CTNND2: variants seen among roughly 807,000 people sequenced by gnomAD.
CTNND2 encodes catenin delta-2.
In CTNND2, 22 loss-of-function variants were observed where a neutral mutation model predicts 144.4. The observed-to-expected ratio is 0.15, with a 90% confidence interval of 0.11 to 0.22. CTNND2 has a LOEUF of 0.22. Ranked by LOEUF, CTNND2 falls within the 10% of genes least tolerant of loss-of-function variation. The probability of loss-of-function intolerance (pLI) is 1.00; values close to 1 mark genes in which losing one functional copy is unlikely to be tolerated. For synonymous variants in CTNND2, 751 were observed against 695.6 expected (o/e 1.08, Z -1.25); for missense variants, 1,353 against 1,618.8 (o/e 0.84, Z 2.82).
At chr5:11,708,601 TGGG>T (rs2126686367) in intron 2 of CTNND2, among the ~76,000 whole-genome samples, 2 of 152,244 alleles carry the variant, frequency 1.3e-5, no homozygotes, top group Non-Finnish European at 2.9e-5. Flanking sequence ...TTGGCGAGTC[TGGG>T]ATTATCTAGG....
chr5:11,309,309 T>C (rs1393507018), intron 9 of CTNND2, among the ~76,000 whole-genome samples: 1 of 152,194 alleles, frequency 6.6e-6, no homozygotes, highest in African/African-American at 2.4e-5. Flanking sequence ...GGCTGTACCC[T>C]GCAGAGCCAC....
At chr5:11,551,210 G>A (rs1037240025) in intron 3 of CTNND2, among the ~76,000 whole-genome samples, 2 of 151,926 alleles carry the variant, frequency 1.3e-5, no homozygotes, top group South Asian at 2.1e-4. Context: ...GTACCCCATC[G>A]GCTCCATTTC....
intron 2 of CTNND2, among the ~76,000 whole-genome samples, chr5:11,624,631 A>C (rs1380365026): frequency 6.6e-6 from 1 of 152,114 alleles, no homozygotes; most frequent in East Asian, 1.9e-4. Flanking sequence ...AGTAACATTC[A>C]GAAAAATTAA....
Position 11,049,554 on chromosome 5 carries a change from C to G in CTNND2, c.2789-26575G>C, listed in dbSNP as rs146553058. 4.5e-4 allele frequency among the ~76,000 whole-genome samples: 69 copies of G among 152,318 alleles called. 1 individual carries two copies. In the East Asian group the frequency reaches 0.012, roughly 27 times the overall value. ...AAATATCACCCTCCCCACGGATACC[C>G]TGGCAAGCCTGCGAGTTTACCCCAG... On this transcript the variant is annotated intron_variant, in intron 16 of 21. Transcript: ENST00000304623.
chr5:11,308,139 T>G, intron 9 of CTNND2, among the ~76,000 whole-genome samples: 1 of 152,294 alleles, frequency 6.6e-6, no homozygotes, highest in Non-Finnish European at 1.5e-5. Context: ...GTTTGTGGCA[T>G]TTTGTTACAG....
intron 1 of CTNND2, among the ~76,000 whole-genome samples, chr5:11,802,260 A>C (rs1791730119): frequency 6.7e-6 from 1 of 148,952 alleles, no homozygotes; most frequent in Non-Finnish European, 1.5e-5. Flanking sequence ...CGATAGAGCA[A>C]GACTCTGTCT....
chr5:11,053,365 T>A lies in CTNND2; in HGVS notation c.2788+29331A>T, dbSNP rs533732867. Among the ~76,000 whole-genome samples, 4 of 152,340 alleles carry A rather than the reference T, an allele frequency of 2.6e-5. No individual in the cohort carries two copies. The South Asian group carries it at 8.3e-4, about 32-fold the overall frequency. ...CTCTTTGGAATAAAGCAAAGCATATTCAATACTGAAGAGGGAATTCAACTA... is the reference window on the plus strand; with the variant it reads ...CTCTTTGGAATAAAGCAAAGCATATACAATACTGAAGAGGGAATTCAACTA... On this transcript the variant is annotated intron_variant, in intron 16 of 21. Coordinates refer to ENST00000304623, the MANE Select transcript of CTNND2 (RefSeq NM_001332.4).
chr5:11,642,347 C>T (rs1782111017), intron 2 of CTNND2, among the ~76,000 whole-genome samples: 1 of 152,054 alleles, frequency 6.6e-6, no homozygotes. Context: ...TGGAAGATGG[C>T]AATCACATAT....
intron 1 of CTNND2, among the ~76,000 whole-genome samples, chr5:11,733,200 CCTGT>C (rs1432585342): frequency 1.3e-5 from 2 of 152,126 alleles, no homozygotes; most frequent in Non-Finnish European, 2.9e-5. Context: ...CCAGCTGAAG[CCTGT>C]TGGTCAGAAG....
chr5:11,637,490 T>C (rs1013999273), intron 2 of CTNND2, among the ~76,000 whole-genome samples: 3 of 151,484 alleles, frequency 2.0e-5, no homozygotes, highest in Non-Finnish European at 4.4e-5. Flanking sequence ...AAATTTTATA[T>C]GACAAAGTTA....
Position 11,189,338 on chromosome 5 carries a change from A to G in CTNND2, c.1975+10110T>C, listed in dbSNP as rs184453588. Among the ~76,000 whole-genome samples the G allele has an allele frequency of 5.9e-5, 9 of 152,282 alleles. No individual in the cohort carries two copies. In the East Asian group the frequency reaches 1.7e-3, roughly 29 times the overall value. The stretch of plus-strand genomic sequence containing the variant: ...AAGCACCTAAACTTCACTTCCATAT[A>G]CATTTGACTTTGAACAACATGGTTT... On this transcript the variant is annotated intron_variant, in intron 11 of 21. Transcript: ENST00000304623.
At chr5:11,325,722 G>A in intron 9 of CTNND2, among the ~76,000 whole-genome samples, 1 of 151,992 alleles carries the variant, frequency 6.6e-6, no homozygotes, top group East Asian at 1.9e-4. Flanking sequence ...ACCACCATTA[G>A]GCTTTCTTTC....
chr5:11,025,323 G>C lies in CTNND2; in HGVS notation c.2789-2344C>G, dbSNP rs1347864173. The stretch of plus-strand genomic sequence containing the variant: ...TGTTGAAAAATGCTGTCTTTTTACA[G>C]TGAAATTTAAATCCTATCTTCACAA... On this transcript the variant is annotated intron_variant, in intron 16 of 21. Coordinates refer to ENST00000304623, the MANE Select transcript of CTNND2 (RefSeq NM_001332.4). Among the ~76,000 whole-genome samples, 16 of 152,220 alleles carry C rather than the reference G, an allele frequency of 1.1e-4. No individual in the cohort carries two copies. In the East Asian group the frequency reaches 3.1e-3, roughly 29 times the overall value.
At chr5:11,845,254 C>T (rs1201313403) in intron 1 of CTNND2, among the ~76,000 whole-genome samples, 1 of 152,128 alleles carries the variant, frequency 6.6e-6, no homozygotes, top group Non-Finnish European at 1.5e-5. Context: ...TTATTAACTG[C>T]TATATCACTC....
At chr5:11,434,720 C>T (rs1200551602) in intron 3 of CTNND2, among the ~76,000 whole-genome samples, 1 of 152,040 alleles carries the variant, frequency 6.6e-6, no homozygotes, top group Non-Finnish European at 1.5e-5. Context: ...GAGGGCTTCC[C>T]CTTGTCAGAT....
At chr5:11,535,512 T>C (rs1432488382) in intron 3 of CTNND2, among the ~76,000 whole-genome samples, 1 of 152,216 alleles carries the variant, frequency 6.6e-6, no homozygotes, top group Admixed American at 6.5e-5. Context: ...CTCTCCATTA[T>C]AACAAGAACT....
At chr5:11,090,687 G>A (rs1750679255) in intron 15 of CTNND2, among the ~76,000 whole-genome samples, 1 of 152,174 alleles carries the variant, frequency 6.6e-6, no homozygotes, top group African/African-American at 2.4e-5. Context: ...CCACGAAACT[G>A]GTTCCTGGTG....
intron 16 of CTNND2, among the ~76,000 whole-genome samples, chr5:11,026,356 C>CT (rs67196223): frequency 0.048 from 5,600 of 117,014 alleles, 389 homozygotes; most frequent in African/African-American, 0.14. Flanking sequence ...CCTTCTTCTT[C>CT]TTTTTTTTTT....
chr5:11,602,326 T>C (rs1295344649), intron 2 of CTNND2, among the ~76,000 whole-genome samples: 2 of 152,122 alleles, frequency 1.3e-5, no homozygotes, highest in African/African-American at 4.8e-5. Context: ...TTTTGTCATC[T>C]GGGAAGATCT....
Sources: gnomAD v4.1 joint callset for allele counts (sites outside exome capture counted in the v4.1 genomes callset) on GRCh38, gnomAD v4.1.1 for gene constraint, MANE v1.5 for transcripts, NCBI Gene and HGNC (gene_info 2026-07-23, HGNC 2026-07-21) for gene names.